The following DHRSX variants were observed in gnomAD, a reference collection of about 807,000 sequenced individuals.
DHRSX encodes dehydrogenase/reductase X-linked.
Under a neutral mutation model 34.0 loss-of-function variants are expected in DHRSX, and 31 were observed. That is an observed-to-expected ratio of 0.91 (90% CI 0.69 to 1.23). The LOEUF (loss-of-function observed/expected upper bound fraction) is 1.23. Ranked by LOEUF, DHRSX falls within the 50% of genes most tolerant of loss-of-function variation. The probability of loss-of-function intolerance (pLI) is 0.00; values close to 1 mark genes in which losing one functional copy is unlikely to be tolerated. For synonymous variants in DHRSX, 201 were observed against 183.8 expected (o/e 1.09, Z -0.76); for missense variants, 414 against 428.1 (o/e 0.97, Z 0.29).
At position 2,470,939 on chromosome X, in the gene DHRSX, T is replaced by G. The variant is rs141340273; in HGVS notation, c.109+29878A>C. The stretch of plus-strand genomic sequence containing the variant: ...CTTGATTGTTAATATGTTAATTAGC[T>G]TCAATGTTAATATGTTAATTAGCCT... On this transcript the variant is annotated intron_variant, in intron 1 of 6. Coordinates refer to ENST00000334651, the MANE Select transcript of DHRSX (RefSeq NM_145177.3). Among the ~76,000 whole-genome samples, 78 of 152,358 alleles carry G rather than the reference T, an allele frequency of 5.1e-4. No individual in the cohort carries two copies. The East Asian group carries it at 0.015, about 29-fold the overall frequency.
chrX:2,389,946 A>G (rs1016017250), intron 3 of DHRSX, among the ~76,000 whole-genome samples: 3 of 151,504 alleles, frequency 2.0e-5, no homozygotes, highest in Admixed American at 6.6e-5. Context: ...ATGCCAGGCT[A>G]GTTTTTGTAT....
intron 4 of DHRSX, among the ~76,000 whole-genome samples, chrX:2,284,897 T>C (rs1029799803): frequency 6.6e-6 from 1 of 152,190 alleles, no homozygotes; most frequent in African/African-American, 2.4e-5. Context: ...AAAACCTTGA[T>C]TGCTCTAAGA....
At chrX:2,355,201 A>T (rs1271005437) in intron 3 of DHRSX, among the ~76,000 whole-genome samples, 1 of 152,104 alleles carries the variant, frequency 6.6e-6, no homozygotes, top group African/African-American at 2.4e-5. Context: ...AATAGAAACG[A>T]AAAGAAAGTC....
chrX:2,318,809 C>T (rs2042271706), intron 3 of DHRSX, among the ~76,000 whole-genome samples: 1 of 152,100 alleles, frequency 6.6e-6, no homozygotes, highest in African/African-American at 2.4e-5. Flanking sequence ...TATTCCTTTA[C>T]TTTCTTAATC....
intron 4 of DHRSX, among the ~76,000 whole-genome samples, chrX:2,283,032 A>ACC (rs2041748988): frequency 6.6e-6 from 1 of 151,202 alleles, no homozygotes; most frequent in Non-Finnish European, 1.5e-5. Context: ...AGAGACGGGG[A>ACC]GAAGGAGGAG....
At chrX:2,489,120 G>T in intron 1 of DHRSX, 1 of 1,613,516 alleles carries the variant, frequency 6.2e-7, no homozygotes, top group Non-Finnish European at 8.5e-7. Flanking sequence ...GTGGATGTCC[G>T]CATGAGCTTC....
intron 5 of DHRSX, among the ~76,000 whole-genome samples, chrX:2,252,727 G>A (rs2016461184): frequency 6.6e-6 from 1 of 152,188 alleles, no homozygotes; most frequent in African/African-American, 2.4e-5. Context: ...AGGAGGTGAA[G>A]AAATGAATCC....
At chrX:2,441,477 T>TAG (rs1182471012) in intron 1 of DHRSX, among the ~76,000 whole-genome samples, 1 of 151,610 alleles carries the variant, frequency 6.6e-6, no homozygotes, top group Admixed American at 6.6e-5. Flanking sequence ...GATATATATA[T>TAG]AGAGAGAAAG....
At chrX:2,317,596 G>A (rs2042256159) in intron 3 of DHRSX, among the ~76,000 whole-genome samples, 1 of 151,072 alleles carries the variant, frequency 6.6e-6, no homozygotes, top group South Asian at 2.1e-4. Flanking sequence ...GGTATAGAAA[G>A]GGAAAAAAGC....
At chrX:2,287,131 T>G (rs1433726554) in intron 4 of DHRSX, among the ~76,000 whole-genome samples, 1 of 152,228 alleles carries the variant, frequency 6.6e-6, no homozygotes, top group East Asian at 1.9e-4. Flanking sequence ...TATTATTTTA[T>G]TTTTCCTGCA....
At chrX:2,408,109 T>C (rs1321724278) in intron 3 of DHRSX, among the ~76,000 whole-genome samples, 2 of 147,476 alleles carry the variant, frequency 1.4e-5, no homozygotes, top group East Asian at 4.0e-4. Flanking sequence ...ATTTATCTTT[T>C]TTTCTTTCTT....
At chrX:2,325,806 C>G (rs2042378888) in intron 3 of DHRSX, among the ~76,000 whole-genome samples, 2 of 152,074 alleles carry the variant, frequency 1.3e-5, no homozygotes, top group African/African-American at 4.8e-5. Context: ...CCAGCTGGTC[C>G]TTTCCGCTCG....
chrX:2,491,051 T>C (rs2045125631), intron 1 of DHRSX, among the ~76,000 whole-genome samples: 1 of 149,004 alleles, frequency 6.7e-6, no homozygotes, highest in Admixed American at 6.8e-5. Flanking sequence ...GGGCTGTACC[T>C]GACAAGTGCC....
At chrX:2,309,347 G>A (rs1392532178) in intron 3 of DHRSX, among the ~76,000 whole-genome samples, 1 of 152,020 alleles carries the variant, frequency 6.6e-6, no homozygotes, top group Non-Finnish European at 1.5e-5. Context: ...AAAAAGCATA[G>A]CAGAAGAAAT....
At chrX:2,261,659 C>G (rs1160088182) in intron 5 of DHRSX, 1 of 151,910 alleles carries the variant, frequency 6.6e-6, no homozygotes, top group Non-Finnish European at 1.5e-5. Context: ...GTAGTCCCAG[C>G]TGCTTGGGAG....
intron 3 of DHRSX, among the ~76,000 whole-genome samples, chrX:2,346,798 C>T (rs1280504170): frequency 4.6e-5 from 7 of 152,148 alleles, no homozygotes; most frequent in Non-Finnish European, 8.8e-5. Flanking sequence ...ATCCCTCCCC[C>T]AGTCCCCTAC....
At chrX:2,464,420 AG>A (rs2044453462) in intron 1 of DHRSX, among the ~76,000 whole-genome samples, 1 of 80,712 alleles carries the variant, frequency 1.2e-5, no homozygotes, top group African/African-American at 6.1e-5. Flanking sequence ...TACACACTGA[AG>A]ATGTTCCCTA....
chrX:2,495,572 A>G (rs1035853940), intron 1 of DHRSX, among the ~76,000 whole-genome samples: 10 of 151,562 alleles, frequency 6.6e-5, no homozygotes, highest in African/African-American at 2.4e-4. Flanking sequence ...CCAGGTAAAG[A>G]ACCGTCCACA....
chrX:2,437,603 C>CA (rs1269145013), intron 1 of DHRSX, among the ~76,000 whole-genome samples: 61 of 70,674 alleles, frequency 8.6e-4, no homozygotes, highest in Non-Finnish European at 1.0e-3. Context: ...GACCCTGTCT[C>CA]AAAAAAAAAA....
Sources: allele counts gnomAD v4.1 joint callset (sites outside exome capture counted in the v4.1 genomes callset), GRCh38; gene constraint gnomAD v4.1.1; transcripts MANE v1.5; gene names NCBI Gene and HGNC (gene_info 2026-07-23, HGNC 2026-07-21).